ZEB2: variants seen among roughly 807,000 people sequenced by gnomAD.
ZEB2 encodes the protein zinc finger E-box binding homeobox 2.
A neutral mutation model predicts 99.9 loss-of-function variants in ZEB2; 6 were observed. That is an observed-to-expected ratio of 0.06 (90% CI 0.03 to 0.12). ZEB2 has a LOEUF of 0.12. Ranked by LOEUF, ZEB2 falls within the 10% of genes least tolerant of loss-of-function variation. The pLI, the probability that ZEB2 is intolerant of heterozygous loss-of-function variation, is 1.00. For missense variants in ZEB2, 969 were observed against 1,502.8 expected (o/e 0.64, Z 5.87); for synonymous variants, 517 against 542.5 (o/e 0.95, Z 0.65).
chr2:144,456,026 T>A (rs116822539), intron 2 of ZEB2, among the ~76,000 whole-genome samples: 17 of 152,300 alleles, frequency 1.1e-4, no homozygotes, highest in Middle Eastern at 3.4e-3. Context: ...GCAACTCTTA[T>A]AAGAACTTAA....
At chr2:144,450,917 A>T (rs1162050944) in intron 2 of ZEB2, among the ~76,000 whole-genome samples, 1 of 152,184 alleles carries the variant, frequency 6.6e-6, no homozygotes, top group African/African-American at 2.4e-5. Context: ...ACCTCAGGTG[A>T]TCCGCCTGCC....
chr2:144,421,961 TC>T (rs1703624672), intron 4 of ZEB2, among the ~76,000 whole-genome samples: 1 of 152,230 alleles, frequency 6.6e-6, no homozygotes, highest in Admixed American at 6.5e-5. Flanking sequence ...ATTAGATCCT[TC>T]TTCTGTAAAT....
At chr2:144,477,664 A>T (rs1349815462) in intron 2 of ZEB2, among the ~76,000 whole-genome samples, 1 of 152,190 alleles carries the variant, frequency 6.6e-6, no homozygotes. Context: ...TTCTTCAGCT[A>T]CTTTTGAGTT....
intron 2 of ZEB2, among the ~76,000 whole-genome samples, chr2:144,473,684 A>G (rs970868571): frequency 6.6e-6 from 1 of 152,164 alleles, no homozygotes; most frequent in African/African-American, 2.4e-5. Context: ...AAGATGATCT[A>G]GAAGCAGAGG....
chr2:144,505,514 C>A (rs913600766), intron 2 of ZEB2, among the ~76,000 whole-genome samples: 1 of 152,140 alleles, frequency 6.6e-6, no homozygotes. Context: ...ACCACTGACA[C>A]CTTAAAAAAT....
intron 2 of ZEB2, among the ~76,000 whole-genome samples, chr2:144,471,524 CTTT>C (rs112623436): frequency 1.4e-5 from 2 of 142,868 alleles, no homozygotes. Flanking sequence ...CTCTCTCTTT[CTTT>C]TTTTTTTTTG....
chr2:144,429,547 T>C, intron 3 of ZEB2: 1 of 674,098 alleles, frequency 1.5e-6, no homozygotes, highest in Non-Finnish European at 2.4e-6. Flanking sequence ...TTGACTTGCA[T>C]CAAAACTGAA....
At chr2:144,455,378 T>A (rs1185226237) in intron 2 of ZEB2, among the ~76,000 whole-genome samples, 2 of 152,210 alleles carry the variant, frequency 1.3e-5, no homozygotes. Context: ...TTTGAATTTA[T>A]AGCACTGCAG....
At chr2:144,466,687 AC>A (rs1704276775) in intron 2 of ZEB2, among the ~76,000 whole-genome samples, 1 of 152,334 alleles carries the variant, frequency 6.6e-6, no homozygotes, top group East Asian at 1.9e-4. Flanking sequence ...GGACTATTAT[AC>A]CGTAACAATA....
At chr2:144,424,927 A>T in intron 3 of ZEB2, 60 bp from the exon 4 acceptor site, 1 of 1,547,410 alleles carries the variant, frequency 6.5e-7, no homozygotes, top group Non-Finnish European at 8.9e-7. Context: ...TATACTAAGC[A>T]TGCCAAGCAC....
intron 4 of ZEB2, among the ~76,000 whole-genome samples, chr2:144,418,649 T>C (rs1703575862): frequency 6.6e-6 from 1 of 151,592 alleles, no homozygotes; most frequent in Non-Finnish European, 1.5e-5. Flanking sequence ...AATTGCACCA[T>C]TGCACTCCAG....
intron 2 of ZEB2, among the ~76,000 whole-genome samples, chr2:144,502,575 T>C (rs1704889445): frequency 6.6e-6 from 1 of 152,128 alleles, no homozygotes; most frequent in African/African-American, 2.4e-5. Flanking sequence ...ACCTCCTCAA[T>C]ATAAACTTGC....
chr2:144,517,812 T>G, intron 1 of ZEB2: 1 of 607,224 alleles, frequency 1.6e-6, no homozygotes. Context: ...TTTCTTTTCG[T>G]TCTCATCTTT....
intron 9 of ZEB2, among the ~76,000 whole-genome samples, chr2:144,394,985 T>C (rs1012763514): frequency 6.7e-6 from 1 of 149,340 alleles, no homozygotes; most frequent in East Asian, 2.0e-4. Flanking sequence ...TCACCTTCCC[T>C]TCGCTTTTTT....
chr2:144,425,487 ATGTCT>A (rs1189692111), intron 3 of ZEB2, among the ~76,000 whole-genome samples: 4 of 152,120 alleles, frequency 2.6e-5, no homozygotes, highest in African/African-American at 7.2e-5. Flanking sequence ...TACTCCATAA[ATGTCT>A]TGTCCTCATC....
At chr2:144,460,730 C>A (rs1704181682) in intron 2 of ZEB2, among the ~76,000 whole-genome samples, 1 of 152,044 alleles carries the variant, frequency 6.6e-6, no homozygotes, top group Non-Finnish European at 1.5e-5. Context: ...AAATTACTAG[C>A]AGAGACTCTA....
At chr2:144,400,405 A>G in intron 7 of ZEB2, 135 bp from the exon 8 acceptor site, 1 of 964,186 alleles carries the variant, frequency 1.0e-6, no homozygotes, top group South Asian at 1.5e-5. Context: ...TACTTAGATT[A>G]GAATTATGTG....
At chr2:144,501,423 C>T (rs1704868433) in intron 2 of ZEB2, among the ~76,000 whole-genome samples, 2 of 152,170 alleles carry the variant, frequency 1.3e-5, no homozygotes, top group Non-Finnish European at 2.9e-5. Context: ...CTCTTCATCT[C>T]CTGCTTTGCT....
At chr2:144,424,399 A>G (rs1703662158) in intron 4 of ZEB2, 1 of 521,360 alleles carries the variant, frequency 1.9e-6, no homozygotes, top group African/African-American at 1.9e-5. Flanking sequence ...TACAGTCTAA[A>G]TTACACCTTA....
Sources: gnomAD v4.1 joint callset for allele counts (sites outside exome capture counted in the v4.1 genomes callset) on GRCh38, gnomAD v4.1.1 for gene constraint, MANE v1.5 for transcripts, NCBI Gene and HGNC (gene_info 2026-07-23, HGNC 2026-07-21) for gene names.